PCDHGB5: variants seen among roughly 807,000 people sequenced by gnomAD.
PCDHGB5 encodes protocadherin gamma subfamily B, 5, also known as protocadherin gamma-B5.
Under a neutral mutation model 62.9 loss-of-function variants are expected in PCDHGB5, and 48 were observed. The observed-to-expected ratio is 0.76, with a 90% CI of 0.61 to 0.97. The LOEUF (loss-of-function observed/expected upper bound fraction) is 0.97. Among genes scored for constraint, PCDHGB5 ranks in the 50% least tolerant of loss-of-function variants. PCDHGB5 has a pLI of 0.00. For synonymous variants in PCDHGB5, 474 were observed against 511.2 expected (o/e 0.93, Z 0.98); for missense variants, 1,118 against 1,198.6 (o/e 0.93, Z 0.99).
chr5:141,429,450 A>G (rs1326036711), intron 1 of PCDHGB5, among the ~76,000 whole-genome samples: 1 of 152,114 alleles, frequency 6.6e-6, no homozygotes, highest in East Asian at 1.9e-4. Context: ...CTTGGGCTAC[A>G]GTAATCCTCC....
Position 141,491,029 on chromosome 5 carries a change from G to T in PCDHGB5, c.2398-3778G>T. 1 of 1,614,172 alleles carries T rather than the reference G, an allele frequency of 6.2e-7. No homozygotes were observed. The highest frequency in any genetic ancestry group is 1.1e-5 in the South Asian group (1 of 91,088). On this transcript the variant is annotated intron_variant, in intron 1 of 3. Coordinates refer to ENST00000617380, the MANE Select transcript of PCDHGB5 (RefSeq NM_018925.3). The surrounding 1 kb of genome is among the most constrained non-coding windows in gnomAD (Gnocchi z 6.9). ...GGTCACCAAGGTGACAGCCGTGGAT[G>T]CTGATGCAGGCCACAATGCGTGGCT...
At chr5:141,409,030 G>C (rs377547144) in intron 1 of PCDHGB5, 2 of 1,614,010 alleles carry the variant, frequency 1.2e-6, no homozygotes, top group South Asian at 2.2e-5. Context: ...TCAATGCTGA[G>C]ATAAACTACT....
chr5:141,494,996 C>A (rs2099758091), intron 2 of PCDHGB5, 131 bp downstream of exon 2: 2 of 1,539,742 alleles, frequency 1.3e-6, no homozygotes, highest in African/African-American at 1.4e-5. Context: ...CCAGGGAGGT[C>A]TTGGTGTGCG....
intron 1 of PCDHGB5, among the ~76,000 whole-genome samples, chr5:141,482,944 G>A (rs1362136222): frequency 6.6e-6 from 1 of 152,094 alleles, no homozygotes; most frequent in Non-Finnish European, 1.5e-5. Context: ...GTGGTTGTGG[G>A]TGCCTGTAAT....
In PCDHGB5 at chr5:141,493,145, AG is replaced by A. The variant is rs11350413; in HGVS notation, c.2398-1660del. Among the ~76,000 whole-genome samples the A allele has an allele frequency of 0.17, 26,475 of 152,128 alleles. 2,528 individuals carry two copies. The highest frequency in any genetic ancestry group is 0.28 in the Admixed American group (4,206 of 15,272). ...TAGGACTGTATTTTGAAACACCCCC[AG>A]GTGATTTTGATAGCTGATTGAGAGA... is the stretch of plus-strand genomic sequence containing the variant. On this transcript the variant is annotated intron_variant, in intron 1 of 3. Transcript: ENST00000617380. The surrounding 1 kb of genome is among the most constrained non-coding windows in gnomAD (Gnocchi z 4.3).
intron 1 of PCDHGB5, among the ~76,000 whole-genome samples, chr5:141,467,790 C>T (rs1321576171): frequency 6.6e-6 from 1 of 152,118 alleles, no homozygotes; most frequent in Non-Finnish European, 1.5e-5. Context: ...TCTCAAGTAG[C>T]TGGGACTACA....
chr5:141,489,208 C>A lies in PCDHGB5; in HGVS notation c.2398-5599C>A. On this transcript the variant is annotated intron_variant, in intron 1 of 3. Coordinates refer to ENST00000617380, the MANE Select transcript of PCDHGB5 (RefSeq NM_018925.3). The surrounding 1 kb of genome is among the most constrained non-coding windows in gnomAD (Gnocchi z 4.5). The stretch of plus-strand genomic sequence containing the variant: ...GGTCTACCTTGGAGACAGGACAGCA[C>A]AGACTTACTCTCCACAAAGGGACTT... 1 of 1,451,152 alleles carries A rather than the reference C, an allele frequency of 6.9e-7. No individual in the cohort carries two copies. The highest frequency in any genetic ancestry group is 9.3e-7 in the Non-Finnish European group (1 of 1,072,112). 89.9% of individuals were successfully genotyped at this position (1,451,152 alleles called of 1,614,324 possible).
intron 1 of PCDHGB5, among the ~76,000 whole-genome samples, chr5:141,438,579 CATACATACATACAT>C (rs1434774868): frequency 9.0e-5 from 5 of 55,782 alleles, no homozygotes; most frequent in Admixed American, 2.8e-4. Context: ...GATATACATA[CATACATACATACAT>C]ATATATATAT....
Position 141,398,051 on chromosome 5 carries a change from C to T in PCDHGB5, c.-77C>T. ...CTGGAACTAAAGCCCGTTCGGAGAT[C>T]CAAAAATCTACAATACAGAGGTTAT... On this transcript the variant is annotated 5_prime_UTR_variant, in exon 1 of 4. Coordinates refer to ENST00000617380, the MANE Select transcript of PCDHGB5 (RefSeq NM_018925.3). 6.6e-7 allele frequency: 1 copy of T among 1,512,220 alleles called. No individual in the cohort carries two copies. Among genetic ancestry groups the T allele is most frequent in the Non-Finnish European group, 8.9e-7 (1 of 1,128,846 alleles). 93.7% of individuals were successfully genotyped at this position (1,512,220 alleles called of 1,614,324 possible).
In PCDHGB5 at chr5:141,505,380, A is replaced by C; in HGVS notation, c.2457-13A>C. On this transcript the variant is annotated splice_polypyrimidine_tract_variant and intron_variant, in intron 2 of 3. Coordinates refer to ENST00000617380, the MANE Select transcript of PCDHGB5 (RefSeq NM_018925.3). ...CCTGGGAGTCTGTGCTCACCATCCT[A>C]CTCTCTCCCCAGCTCCCAAAATGGC... 1 of 1,613,480 alleles carries C rather than the reference A, an allele frequency of 6.2e-7. No homozygotes were observed. Among genetic ancestry groups the C allele is most frequent in the Non-Finnish European group, 8.5e-7 (1 of 1,179,856 alleles).
chr5:141,478,461 T>C, intron 1 of PCDHGB5: 1 of 1,613,254 alleles, frequency 6.2e-7, no homozygotes, highest in East Asian at 2.2e-5. Flanking sequence ...GCCAGTCCAC[T>C]GGCCAGCCGC....
intron 1 of PCDHGB5, chr5:141,478,636 T>G: frequency 1.3e-6 from 2 of 1,552,744 alleles, no homozygotes; most frequent in South Asian, 2.4e-5. Flanking sequence ...TTTTTAGTGA[T>G]GAAGATGTTT....
intron 1 of PCDHGB5, chr5:141,424,024 C>T: frequency 9.6e-7 from 1 of 1,045,488 alleles, no homozygotes; most frequent in Non-Finnish European, 1.2e-6. Flanking sequence ...GATTCACAAA[C>T]ACTTTTTATT....
At chr5:141,465,293 G>A (rs1407146382) in intron 1 of PCDHGB5, among the ~76,000 whole-genome samples, 2 of 152,258 alleles carry the variant, frequency 1.3e-5, no homozygotes, top group South Asian at 2.1e-4. Flanking sequence ...AAAGAACTGA[G>A]AGTCCTGGGA....
intron 1 of PCDHGB5, among the ~76,000 whole-genome samples, chr5:141,438,976 C>T (rs2098079529): frequency 6.6e-6 from 1 of 151,928 alleles, no homozygotes; most frequent in Non-Finnish European, 1.5e-5. Context: ...AACTGTCTGA[C>T]TTATCTTAAA....
chr5:141,422,092 G>A (rs2154549502), intron 1 of PCDHGB5: 6 of 1,611,520 alleles, frequency 3.7e-6, no homozygotes, highest in Non-Finnish European at 5.1e-6. Flanking sequence ...GGAAAGCAAG[G>A]CTTCTGAAAT....
Position 141,477,383 on chromosome 5 carries a change from T to A in PCDHGB5, c.2398-17424T>A. 6.2e-7 allele frequency: 1 copy of A among 1,614,102 alleles called. No homozygotes were observed. Among genetic ancestry groups the A allele is most frequent in the Non-Finnish European group, 8.5e-7 (1 of 1,180,006 alleles). On this transcript the variant is annotated intron_variant, in intron 1 of 3. Transcript: ENST00000617380. This position sits in a 1 kb window ranked among gnomAD's most constrained non-coding sequence, Gnocchi z 4.9. Reference sequence around the variant, plus strand: ...CCTGGATCGGGAGACTGTGCCAGAATACAACCTCAGCATCACCGCCCGAGA... The same window carrying A: ...CCTGGATCGGGAGACTGTGCCAGAAAACAACCTCAGCATCACCGCCCGAGA...
chr5:141,400,639 C>A, intron 1 of PCDHGB5, 115 bp downstream of exon 1: 1 of 1,310,186 alleles, frequency 7.6e-7, no homozygotes, highest in Non-Finnish European at 1.1e-6. Context: ...CAGAGCTGCT[C>A]AGAAAGCTGT....
intron 1 of PCDHGB5, chr5:141,433,086 C>A (rs747501244): frequency 1.9e-6 from 3 of 1,614,208 alleles, no homozygotes; most frequent in African/African-American, 2.7e-5. Context: ...CCCAACTATG[C>A]AGACATGCTC....
Sources: allele counts gnomAD v4.1 joint callset (sites outside exome capture counted in the v4.1 genomes callset), GRCh38; gene constraint gnomAD v4.1.1; non-coding constraint Gnocchi (gnomAD v3.1); transcripts MANE v1.5; gene names NCBI Gene and HGNC (gene_info 2026-07-23, HGNC 2026-07-21).